Variants in FGF5 observed in about 807,000 individuals in gnomAD.
The protein encoded by FGF5 is fibroblast growth factor 5.
Under a neutral mutation model 21.8 loss-of-function variants are expected in FGF5, and 23 were observed. That is an observed-to-expected ratio of 1.05 (90% CI 0.76 to 1.49). The LOEUF is 1.49. Among genes scored for constraint, FGF5 ranks in the 40% most tolerant of loss-of-function variants. The pLI is 0.00. For synonymous variants in FGF5, 158 were observed against 124.0 expected (o/e 1.27, Z -1.82); for missense variants, 352 against 332.9 (o/e 1.06, Z -0.45).
In FGF5 at chr4:80,290,025, A is replaced by G. The variant is rs565134375; in HGVS notation, c.*3353A>G. ...TACCATTAACATTTTTTACCCTTCC[A>G]TAGAAGGGAGGGAATAAATCATGAC... On this transcript the variant is annotated 3_prime_UTR_variant, in exon 3 of 3. Transcript: ENST00000312465. 3 of 152,270 alleles carry G rather than the reference A, an allele frequency of 2.0e-5. No individual in the cohort carries two copies. The highest frequency in any genetic ancestry group is 1.9e-4 in the East Asian group (1 of 5,186). The allele number at this position is 152,270 out of a possible 1,614,324, so 9.4% of individuals were successfully genotyped here. A position where few individuals can be genotyped will look rare whatever the true frequency, so the allele number is the denominator to read the frequency against.
At position 80,266,681 on chromosome 4, in the gene FGF5, C is replaced by CT. The variant is rs1218861600; in HGVS notation, c.-142dup. On this transcript the variant is annotated 5_prime_UTR_variant, in exon 1 of 3. Transcript: ENST00000312465. ...GGAGATCCGCTCGGGTGGCCTCTCT[C>CT]TTCCCCTCTCCCCTTCTCTTCCCCG... 13 of 703,402 alleles carry CT rather than the reference C, an allele frequency of 1.8e-5. No homozygotes were observed. The highest frequency in any genetic ancestry group is 2.8e-5 in the Non-Finnish European group (12 of 425,522). 43.6% of individuals were successfully genotyped at this position (703,402 alleles called of 1,614,324 possible).
intron 2 of FGF5, among the ~76,000 whole-genome samples, chr4:80,282,529 A>T (rs1001946560): frequency 6.6e-6 from 1 of 152,222 alleles, no homozygotes; most frequent in Non-Finnish European, 1.5e-5. Flanking sequence ...CATGGGCAGG[A>T]CCATGTTAAT....
rs35485972 is a variant in FGF5 at position 80,272,615 on chromosome 4, C to A, written c.356-2294C>A. 5.4e-3 allele frequency among the ~76,000 whole-genome samples: 826 copies of A among 152,166 alleles called. 4 individuals are homozygous for A. The highest frequency in any genetic ancestry group is 0.017 in the African/African-American group (705 of 41,556). ...ACACATACACTTATGAGACTTTAAT[C>A]TTTTATTCTGCCATGTATTTTTTCA... On this transcript the variant is annotated intron_variant, in intron 1 of 2. Transcript: ENST00000312465.
In FGF5 at chr4:80,266,727, G is replaced by A. The variant is rs1229124522; in HGVS notation, c.-98G>A. 1.9e-6 allele frequency: 2 copies of A among 1,049,780 alleles called. No individual in the cohort carries two copies. Among genetic ancestry groups the A allele is most frequent in the Non-Finnish European group, 2.8e-6 (2 of 724,180 alleles). The allele number at this position is 1,049,780 out of a possible 1,614,324, so 65.0% of individuals were successfully genotyped here. A position where few individuals can be genotyped will look rare whatever the true frequency, so the allele number is the denominator to read the frequency against. On this transcript the variant is annotated 5_prime_UTR_variant, in exon 1 of 3. Transcript: ENST00000312465. ...CCCCGAGGCTATGTCCACCCGGTGC[G>A]GCGAGGCGGGCAGAGCCAGAGGCAC...
rs1720821899 is a variant in FGF5 at position 80,289,011 on chromosome 4, T to G, written c.*2339T>G. On this transcript the variant is annotated 3_prime_UTR_variant, in exon 3 of 3. Transcript: ENST00000312465. ...ATACAAAATGATTTTTTTTTTTTTT[T>G]TGAGACAGAGTCTTGCTCTGTCACC... The G allele has an allele frequency of 6.6e-6, 1 of 152,184 alleles. No individual in the cohort carries two copies. The highest frequency in any genetic ancestry group is 1.5e-5 in the Non-Finnish European group (1 of 67,954). The allele number at this position is 152,184 out of a possible 1,614,324, so 9.4% of individuals were successfully genotyped here.
At chr4:80,268,356 T>A (rs1720160042) in intron 1 of FGF5, 1 of 429,222 alleles carries the variant, frequency 2.3e-6, no homozygotes, top group Admixed American at 6.4e-5. Flanking sequence ...AGACCGGAAA[T>A]GTAGCCAGGA....
chr4:80,286,076 G>A (rs1028153440), intron 2 of FGF5, among the ~76,000 whole-genome samples: 2 of 152,050 alleles, frequency 1.3e-5, no homozygotes, highest in Non-Finnish European at 2.9e-5. Flanking sequence ...TATAGTCATC[G>A]ATATTATGTC....
chr4:80,273,986 G>A (rs1195972500), intron 1 of FGF5, among the ~76,000 whole-genome samples: 3 of 151,934 alleles, frequency 2.0e-5, no homozygotes, highest in Non-Finnish European at 4.4e-5. Context: ...TTTTGAAATA[G>A]ACAACTAATA....
In FGF5 at chr4:80,288,062, C is replaced by T. The variant is rs920540153; in HGVS notation, c.*1390C>T. 3.3e-5 allele frequency: 5 copies of T among 152,022 alleles called. No homozygotes were observed. The highest frequency in any genetic ancestry group is 7.2e-5 in the African/African-American group (3 of 41,400). The allele number at this position is 152,022 out of a possible 1,614,324, so 9.4% of individuals were successfully genotyped here. ...TTTTAATAAAGTTCTGCAAAATACA[C>T]GTTTATCTTACATTCAGAAATGTGG... On this transcript the variant is annotated 3_prime_UTR_variant, in exon 3 of 3. Coordinates refer to ENST00000312465, the MANE Select transcript of FGF5 (RefSeq NM_004464.4).
intron 2 of FGF5, among the ~76,000 whole-genome samples, chr4:80,278,274 A>ACTCTATTT (rs1256502753): frequency 6.6e-6 from 1 of 152,192 alleles, no homozygotes; most frequent in African/African-American, 2.4e-5. Context: ...TTTAATAGGC[A>ACTCTATTT]AATAAACAGG....
At chr4:80,285,744 T>TA (rs569833462) in intron 2 of FGF5, among the ~76,000 whole-genome samples, 1 of 152,168 alleles carries the variant, frequency 6.6e-6, no homozygotes, top group Non-Finnish European at 1.5e-5. Context: ...AATGCCTGAG[T>TA]AAAGATACGT....
At chr4:80,280,796 G>A (rs1477139210) in intron 2 of FGF5, among the ~76,000 whole-genome samples, 3 of 152,016 alleles carry the variant, frequency 2.0e-5, no homozygotes, top group African/African-American at 7.2e-5. Flanking sequence ...GCCTGGTGTG[G>A]TCCTTACTTC....
intron 2 of FGF5, among the ~76,000 whole-genome samples, chr4:80,282,508 G>A (rs1438722859): frequency 1.3e-5 from 2 of 152,152 alleles, no homozygotes; most frequent in Admixed American, 6.5e-5. Flanking sequence ...TGTAATTTAA[G>A]TCAACAAAAA....
In FGF5 at chr4:80,267,167, G is replaced by T; in HGVS notation, c.343G>T (p.Ala115Ser). 1 of 1,606,804 alleles carries T rather than the reference G, an allele frequency of 6.2e-7. No individual in the cohort carries two copies. The highest frequency in any genetic ancestry group is 1.1e-5 in the South Asian group (1 of 90,310). The change falls in exon 1 of 3, where the codon GCC becomes TCC. Residue 115 changes from alanine (A) to serine (S), a missense_variant. By Grantham distance (99) the Ala-to-Ser change is moderately conservative. Coordinates refer to ENST00000312465, the MANE Select transcript of FGF5 (RefSeq NM_004464.4). ...TGGCAAAGTCAATGGATCCCACGAA[G>T]CCAATATGTTAAGTAAGTTACTCGC... ...PDGKVNGSHE[A>S]NMLSVLEIFA...
At chr4:80,279,470 C>T (rs1391085199) in intron 2 of FGF5, among the ~76,000 whole-genome samples, 1 of 152,136 alleles carries the variant, frequency 6.6e-6, no homozygotes. Flanking sequence ...CAGGCCAGCC[C>T]CAACTCCTAT....
Position 80,267,043 on chromosome 4 carries a change from C to T in FGF5, c.219C>T (p.Gly73=), listed in dbSNP as rs1720115105. 2 of 1,614,134 alleles carry T rather than the reference C, an allele frequency of 1.2e-6. No individual in the cohort carries two copies. Among genetic ancestry groups the T allele is most frequent in the Non-Finnish European group, 1.7e-6 (2 of 1,180,046 alleles). ...PAASLGSQGS[G]LEQSSFQWSP... is the part of the protein sequence containing the mutation. Reference sequence around the variant, plus strand: ...CTTCTCTGGGCAGCCAAGGAAGTGGCTTGGAGCAGAGCAGTTTCCAGTGGA... The same window carrying T: ...CTTCTCTGGGCAGCCAAGGAAGTGGTTTGGAGCAGAGCAGTTTCCAGTGGA... Residue 73 remains glycine (G), a synonymous_variant, in exon 1 of 3, where the codon GGC becomes GGT. Coordinates refer to ENST00000312465, the MANE Select transcript of FGF5 (RefSeq NM_004464.4).
At chr4:80,275,482 A>C (rs1017014595) in intron 2 of FGF5, among the ~76,000 whole-genome samples, 8 of 152,000 alleles carry the variant, frequency 5.3e-5, no homozygotes, top group African/African-American at 1.9e-4. Flanking sequence ...GGAAAAAACC[A>C]ATAATTAGAA....
intron 2 of FGF5, among the ~76,000 whole-genome samples, chr4:80,276,738 G>A (rs1720422566): frequency 6.9e-6 from 1 of 145,308 alleles, no homozygotes; most frequent in Non-Finnish European, 1.5e-5. Flanking sequence ...ACATACAGAT[G>A]AGTTCTCACG....
At position 80,289,863 on chromosome 4, in the gene FGF5, T is replaced by C. The variant is rs1163940025; in HGVS notation, c.*3191T>C. ...AAGTTTGTGTATATATTATAAAAAT[T>C]ACATATATAAAACTAAGGCTTTTAT... On this transcript the variant is annotated 3_prime_UTR_variant, in exon 3 of 3. Transcript: ENST00000312465. 2.6e-5 allele frequency: 4 copies of C among 152,162 alleles called. No individual in the cohort carries two copies. The highest frequency in any genetic ancestry group is 4.4e-5 in the Non-Finnish European group (3 of 68,012). 9.4% of individuals were successfully genotyped at this position (152,162 alleles called of 1,614,324 possible).
Sources: gnomAD v4.1 joint callset for allele counts (sites outside exome capture counted in the v4.1 genomes callset) on GRCh38, gnomAD v4.1.1 for gene constraint, MANE v1.5 for transcripts, NCBI Gene and HGNC (gene_info 2026-07-23, HGNC 2026-07-21) for gene names.